MPDZ: variants seen among roughly 807,000 people sequenced by gnomAD.
The protein encoded by MPDZ is multiple PDZ domain crumbs cell polarity complex component.
Under a neutral mutation model 239.1 loss-of-function variants are expected in MPDZ, and 234 were observed. The observed-to-expected ratio is 0.98, with a 90% CI of 0.88 to 1.09. The LOEUF (loss-of-function observed/expected upper bound fraction) is 1.09. MPDZ is among the 50% of genes least tolerant of loss of function. The probability of loss-of-function intolerance (pLI) is 0.00; values close to 1 mark genes in which losing one functional copy is unlikely to be tolerated. For missense variants in MPDZ, 3,175 were observed against 2,510.0 expected, an observed-to-expected ratio of 1.26 and a Z score of -5.66; for synonymous variants, 1,048 against 881.3, an observed-to-expected ratio of 1.19 and a Z score of -3.35.
intron 32 of MPDZ, among the ~76,000 whole-genome samples, chr9:13,133,601 C>A (rs1373615951): frequency 6.6e-6 from 1 of 152,150 alleles, no homozygotes; most frequent in Non-Finnish European, 1.5e-5. Context: ...CAAACGTAAA[C>A]GTGCATCAGG....
intron 32 of MPDZ, among the ~76,000 whole-genome samples, chr9:13,129,821 G>C (rs950616167): frequency 1.3e-5 from 2 of 151,956 alleles, no homozygotes; most frequent in Non-Finnish European, 2.9e-5. Flanking sequence ...CAAATAGCTG[G>C]GACTACAGGC....
Position 13,224,457 on chromosome 9 carries a change from C to T in MPDZ, c.310G>A (p.Ala104Thr), listed in dbSNP as rs369440680. The T allele has an allele frequency of 1.7e-5, 27 of 1,612,982 alleles. No individual in the cohort carries two copies. In the African/African-American group the frequency reaches 3.6e-4, roughly 22 times the overall value. Residue 104 changes from alanine to threonine, a missense_variant, in exon 4 of 47, where the codon GCA (alanine) becomes ACA (threonine). Transcript: ENST00000319217. The part of the protein sequence containing the change: ...LLSPNNGNLE[A>T]LTGPGIPHIN... ...TGTGGAATACCAGGTCCTGTAAGTG[C>T]TTCCAGATTCCCATTGTTTGGGGAT...
chr9:13,203,650 G>A (rs1956645577), intron 12 of MPDZ, among the ~76,000 whole-genome samples: 1 of 151,586 alleles, frequency 6.6e-6, no homozygotes. Context: ...AAGTCACTTA[G>A]AAGTTTGTGC....
intron 12 of MPDZ, among the ~76,000 whole-genome samples, chr9:13,199,085 A>G (rs1016374217): frequency 3.3e-5 from 5 of 152,012 alleles, no homozygotes; most frequent in African/African-American, 1.2e-4. Flanking sequence ...CAATGAATAT[A>G]TAGATATCTT....
intron 10 of MPDZ, among the ~76,000 whole-genome samples, chr9:13,209,971 T>A (rs143795800): frequency 1.4e-5 from 2 of 145,678 alleles, no homozygotes; most frequent in Admixed American, 7.0e-5. Context: ...AGATGATAAA[T>A]GAGGGGGAAA....
chr9:13,143,153 A>T (rs1947954627), intron 27 of MPDZ, among the ~76,000 whole-genome samples: 1 of 152,172 alleles, frequency 6.6e-6, no homozygotes, highest in Admixed American at 6.6e-5. Flanking sequence ...AGTATCATAC[A>T]TTTGGCAACT....
At chr9:13,233,772 T>C (rs550417107) in intron 3 of MPDZ, among the ~76,000 whole-genome samples, 1 of 152,316 alleles carries the variant, frequency 6.6e-6, no homozygotes. Flanking sequence ...TACATAAAGC[T>C]ACACCTTGTC....
rs755121919 is a variant in MPDZ, at chr9:13,183,495, A to T, written c.2572T>A (p.Ser858Thr). The change falls in exon 19 of 47, where the codon TCT (serine) becomes ACT (threonine). Residue 858 changes from serine (S) to threonine (T), a missense_variant. Physicochemically the swap from Ser to Thr is moderately conservative, Grantham distance 58 (BLOSUM62 1). Coordinates refer to ENST00000319217, the MANE Select transcript of MPDZ (RefSeq NM_001378778.1). ...ENDSIYSTQASILSLHGSSCG... is the reference protein window; with the variant it reads ...ENDSIYSTQATILSLHGSSCG... ...GAACTGCCATGAAGAGATAAAATAG[A>T]GGCTTGAGTAGAGTAGATGCTGTCA... The T allele has an allele frequency of 3.4e-5, 55 of 1,612,344 alleles. 2 individuals are homozygous for T. In the South Asian group the frequency reaches 5.9e-4, roughly 17 times the overall value.
At chr9:13,233,899 T>TC (rs1963237980) in intron 3 of MPDZ, among the ~76,000 whole-genome samples, 1 of 152,138 alleles carries the variant, frequency 6.6e-6, no homozygotes, top group Admixed American at 6.6e-5. Context: ...TGTGTGGCCC[T>TC]CCACAGGGTT....
At chr9:13,198,513 AC>A (rs1564010671) in intron 12 of MPDZ, among the ~76,000 whole-genome samples, 1 of 151,880 alleles carries the variant, frequency 6.6e-6, no homozygotes, top group Non-Finnish European at 1.5e-5. Context: ...GGTAGCTTGA[AC>A]ATATTTTCTC....
At position 13,176,539 on chromosome 9, in the gene MPDZ, T is replaced by C; in HGVS notation, c.2650-122A>G. 4 of 886,684 alleles carry C rather than the reference T, an allele frequency of 4.5e-6. No homozygotes were observed. In the South Asian group the frequency reaches 7.6e-5, roughly 17 times the overall value. The allele number at this position is 886,684 out of a possible 1,614,324, so 54.9% of individuals were successfully genotyped here. On this transcript the variant is annotated intron_variant, in intron 19 of 46. Coordinates refer to ENST00000319217, the MANE Select transcript of MPDZ (RefSeq NM_001378778.1). ...AATGTAAAACATAACAATTATTTAT[T>C]ACTCAAAAAGCATTAACAAACACAA...
intron 3 of MPDZ, among the ~76,000 whole-genome samples, chr9:13,242,660 A>G (rs950866006): frequency 6.6e-6 from 1 of 152,068 alleles, no homozygotes; most frequent in African/African-American, 2.4e-5. Context: ...CAAATAAAAC[A>G]TCTTACTTAA....
intron 3 of MPDZ, among the ~76,000 whole-genome samples, chr9:13,235,785 C>T (rs193122058): frequency 6.6e-6 from 1 of 152,110 alleles, no homozygotes; most frequent in East Asian, 1.9e-4. Context: ...CTTAAAATTC[C>T]CTTGTGCTAA....
chr9:13,255,466 A>C (rs1228487377), intron 1 of MPDZ, among the ~76,000 whole-genome samples: 1 of 152,200 alleles, frequency 6.6e-6, no homozygotes, highest in Non-Finnish European at 1.5e-5. Flanking sequence ...AATGTAGCAG[A>C]GGAATCATTA....
At chr9:13,256,284 C>A (rs1462657680) in intron 1 of MPDZ, among the ~76,000 whole-genome samples, 6 of 152,176 alleles carry the variant, frequency 3.9e-5, no homozygotes, top group African/African-American at 9.7e-5. Flanking sequence ...CTATCCAGAC[C>A]ACTAAAACTT....
At chr9:13,212,791 TAAA>T (rs145889448) in intron 10 of MPDZ, among the ~76,000 whole-genome samples, 10 of 110,584 alleles carry the variant, frequency 9.0e-5, no homozygotes, top group African/African-American at 1.7e-4. Flanking sequence ...GGTCAAGGTT[TAAA>T]AAAAAAAAAA....
intron 3 of MPDZ, among the ~76,000 whole-genome samples, chr9:13,225,229 A>G (rs1354880756): frequency 1.1e-4 from 17 of 152,138 alleles, no homozygotes; most frequent in Admixed American, 1.1e-3. Context: ...AAGGAAAAAA[A>G]AGTTACAGTA....
intron 19 of MPDZ, among the ~76,000 whole-genome samples, chr9:13,179,396 CAA>C (rs1482678562): frequency 6.6e-6 from 1 of 152,130 alleles, no homozygotes; most frequent in Non-Finnish European, 1.5e-5. Flanking sequence ...CAAAAGAGGT[CAA>C]GTCGCCCTTG....
rs368576356 is a variant in MPDZ, at chr9:13,113,000, C to T, written c.5601+11G>A. ...CGCCAGGGTTTATATTGTTTTCTCT[C>T]CCCAAGTTACCTTTTTCATTTCGAC... On this transcript the variant is annotated intron_variant, in intron 42 of 46. Coordinates refer to ENST00000319217, the MANE Select transcript of MPDZ (RefSeq NM_001378778.1). The T allele has an allele frequency of 1.9e-6, 3 of 1,579,708 alleles. No homozygotes were observed. The South Asian group carries it at 3.5e-5, about 18-fold the overall frequency.
Sources: gnomAD v4.1 joint callset for allele counts (sites outside exome capture counted in the v4.1 genomes callset) on GRCh38, gnomAD v4.1.1 for gene constraint, MANE v1.5 for transcripts, NCBI Gene and HGNC (gene_info 2026-07-23, HGNC 2026-07-21) for gene names.